SNX10: variants seen among roughly 807,000 people sequenced by gnomAD.
The protein encoded by SNX10 is sorting nexin-10.
In SNX10, 25 loss-of-function variants were observed where a neutral mutation model predicts 28.5. The ratio of observed to expected loss-of-function variants is 0.88; its 90% CI spans 0.64 to 1.22. The LOEUF (loss-of-function observed/expected upper bound fraction) is 1.22. SNX10 is among the 50% of genes most tolerant of loss of function. SNX10 has a pLI of 0.00. For missense variants in SNX10, 223 were observed against 242.6 expected (o/e 0.92, Z 0.54); for synonymous variants, 62 against 81.4 (o/e 0.76, Z 1.28).
At chr7:26,298,258 G>A (rs1786188256) in intron 1 of SNX10, among the ~76,000 whole-genome samples, 1 of 152,130 alleles carries the variant, frequency 6.6e-6, no homozygotes, top group Admixed American at 6.6e-5. Flanking sequence ...AAAGCAAATA[G>A]TTGCAATATC....
chr7:26,314,822 A>G (rs1017642535), intron 1 of SNX10, among the ~76,000 whole-genome samples: 6 of 151,982 alleles, frequency 3.9e-5, no homozygotes, highest in Admixed American at 6.6e-5. Flanking sequence ...AACAGGTGAA[A>G]CCCTGTCTTT....
At chr7:26,362,996 A>C (rs1789140316) in intron 3 of SNX10, among the ~76,000 whole-genome samples, 1 of 152,124 alleles carries the variant, frequency 6.6e-6, no homozygotes, top group South Asian at 2.1e-4. Context: ...TGTGTGTGAG[A>C]TGTCAGGAAT....
At chr7:26,321,348 A>C (rs1787300464) in intron 1 of SNX10, among the ~76,000 whole-genome samples, 1 of 152,172 alleles carries the variant, frequency 6.6e-6, no homozygotes, top group African/African-American at 2.4e-5. Flanking sequence ...GAACTCTAAT[A>C]TGTTAAGTCT....
intron 1 of SNX10, among the ~76,000 whole-genome samples, chr7:26,307,221 C>T (rs900265161): frequency 2.6e-5 from 4 of 152,178 alleles, no homozygotes; most frequent in Admixed American, 6.5e-5. Flanking sequence ...CTTTCCTTAT[C>T]TCAGCCCCAA....
intron 1 of SNX10, among the ~76,000 whole-genome samples, chr7:26,338,667 G>A (rs1459431706): frequency 6.6e-6 from 1 of 152,206 alleles, no homozygotes; most frequent in Non-Finnish European, 1.5e-5. Context: ...GCCTCCCAAA[G>A]TGCTGGGATT....
Position 26,364,708 on chromosome 7 carries a change from A to G in SNX10, c.212+73A>G. ...ATTTAAAATTGACGTTCATTAAGATATATAAGATATGAAGGATTTTTATAG... is the reference window on the plus strand; with the variant it reads ...ATTTAAAATTGACGTTCATTAAGATGTATAAGATATGAAGGATTTTTATAG... On this transcript the variant is annotated intron_variant, in intron 4 of 6. Transcript: ENST00000338523. The surrounding 1 kb of genome is among the most constrained non-coding windows in gnomAD (Gnocchi z 4.9). 1 of 1,075,698 alleles carries G rather than the reference A, an allele frequency of 9.3e-7. No homozygotes were observed. The highest frequency in any genetic ancestry group is 1.5e-5 in the South Asian group (1 of 67,234). The allele number at this position is 1,075,698 out of a possible 1,614,324, so 66.6% of individuals were successfully genotyped here.
intron 1 of SNX10, among the ~76,000 whole-genome samples, chr7:26,341,465 C>CT (rs1788174372): frequency 3.3e-5 from 5 of 150,888 alleles, no homozygotes; most frequent in Non-Finnish European, 7.4e-5. Context: ...CTTGGCATAA[C>CT]AGTCTTTCAG....
rs75907055 is a variant in SNX10 at position 26,362,686 on chromosome 7, T to C, written c.111+1625T>C. On this transcript the variant is annotated intron_variant, in intron 3 of 6. Transcript: ENST00000338523. Reference sequence around the variant, plus strand: ...GCAGAGCTAGGGAGTTCTGGTTGGCTTCTCTTAGTTGTTAACCCATAGAGC... The same window carrying C: ...GCAGAGCTAGGGAGTTCTGGTTGGCCTCTCTTAGTTGTTAACCCATAGAGC... Among the ~76,000 whole-genome samples the C allele has an allele frequency of 5.4e-3, 816 of 152,346 alleles. 8 individuals carry two copies. The highest frequency in any genetic ancestry group is 0.018 in the African/African-American group (764 of 41,586).
At position 26,346,361 on chromosome 7, in the gene SNX10, G is replaced by A. The variant is rs1788386331; in HGVS notation, c.-23-59G>A. 3.9e-6 allele frequency: 4 copies of A among 1,033,236 alleles called. No homozygotes were observed. The African/African-American group carries it at 4.7e-5, about 12-fold the overall frequency. 64.0% of individuals were successfully genotyped at this position (1,033,236 alleles called of 1,614,324 possible). A position where few individuals can be genotyped will look rare whatever the true frequency, so the allele number is the denominator to read the frequency against. On this transcript the variant is annotated intron_variant, in intron 1 of 6. Coordinates refer to ENST00000338523, the MANE Select transcript of SNX10 (RefSeq NM_013322.3). ...GGATTTGGGTGGGAGGCCATGAGTGGTGTATCCACTCCAGTTTGGAGGTTC... is the reference window on the plus strand; with the variant it reads ...GGATTTGGGTGGGAGGCCATGAGTGATGTATCCACTCCAGTTTGGAGGTTC...
intron 1 of SNX10, among the ~76,000 whole-genome samples, chr7:26,305,865 T>C (rs888137819): frequency 1.3e-5 from 2 of 152,202 alleles, no homozygotes; most frequent in Admixed American, 1.3e-4. Flanking sequence ...ATAATAACTT[T>C]GGCATTTCAC....
chr7:26,303,301 C>T (rs1786449990), intron 1 of SNX10, among the ~76,000 whole-genome samples: 1 of 152,228 alleles, frequency 6.6e-6, no homozygotes, highest in African/African-American at 2.4e-5. Context: ...AAGGCAACTG[C>T]TTGGAACTGG....
intron 2 of SNX10, chr7:26,353,983 A>G (rs1035335389): frequency 2.6e-5 from 4 of 152,228 alleles, no homozygotes; most frequent in African/African-American, 9.6e-5. Context: ...GTATTCACTT[A>G]ACACCTAGAC....
At chr7:26,339,172 GC>G (rs1291146953) in intron 1 of SNX10, among the ~76,000 whole-genome samples, 6 of 152,174 alleles carry the variant, frequency 3.9e-5, no homozygotes, top group African/African-American at 1.2e-4. Context: ...TTCAGCTTAT[GC>G]CCAGGAATGA....
chr7:26,306,979 A>G (rs1786624234), intron 1 of SNX10, among the ~76,000 whole-genome samples: 1 of 152,194 alleles, frequency 6.6e-6, no homozygotes, highest in Non-Finnish European at 1.5e-5. Flanking sequence ...CTGGAGTCAA[A>G]TGCCTCACAC....
At chr7:26,329,250 T>A (rs1787630930) in intron 1 of SNX10, among the ~76,000 whole-genome samples, 1 of 152,222 alleles carries the variant, frequency 6.6e-6, no homozygotes, top group South Asian at 2.1e-4. Context: ...TTTCCTTCTG[T>A]TCTCCAGATA....
At chr7:26,331,987 G>A (rs2391270) in intron 1 of SNX10, among the ~76,000 whole-genome samples, 58,934 of 152,008 alleles carry the variant, frequency 0.39, 12,503 homozygotes, top group South Asian at 0.57. Context: ...TAGATATACC[G>A]CATTTTGTTT....
At chr7:26,323,805 A>G (rs951476195) in intron 1 of SNX10, among the ~76,000 whole-genome samples, 2 of 152,136 alleles carry the variant, frequency 1.3e-5, no homozygotes, top group African/African-American at 4.8e-5. Context: ...TTTCAGCAAT[A>G]AAGTTGGTGA....
intron 2 of SNX10, among the ~76,000 whole-genome samples, chr7:26,358,860 G>A (rs1228919128): frequency 1.4e-5 from 2 of 142,192 alleles, no homozygotes; most frequent in African/African-American, 5.5e-5. Flanking sequence ...GGGCTGGAGT[G>A]CATTTAGTGG....
At position 26,345,970 on chromosome 7, in the gene SNX10, T is replaced by C. The variant is rs932647687; in HGVS notation, c.-23-450T>C. On this transcript the variant is annotated intron_variant, in intron 1 of 6. Coordinates refer to ENST00000338523, the MANE Select transcript of SNX10 (RefSeq NM_013322.3). ...ATCTCTTATGTGACCTCTGGAGTAA[T>C]ATAAGTGTCACAGGAAGGGCCTGAT... Among the ~76,000 whole-genome samples the C allele has an allele frequency of 2.0e-5, 3 of 152,044 alleles. No homozygotes were observed. The East Asian group carries it at 5.8e-4, about 29-fold the overall frequency.
Sources: allele counts gnomAD v4.1 joint callset (sites outside exome capture counted in the v4.1 genomes callset), GRCh38; gene constraint gnomAD v4.1.1; non-coding constraint Gnocchi (gnomAD v3.1); transcripts MANE v1.5; gene names NCBI Gene and HGNC (gene_info 2026-07-23, HGNC 2026-07-21).